Variants in ISYNA1 observed in about 807,000 individuals in gnomAD.
The protein encoded by ISYNA1 is inositol-3-phosphate synthase 1.
Under a neutral mutation model 50.3 loss-of-function variants are expected in ISYNA1, and 34 were observed. The ratio of observed to expected loss-of-function variants is 0.68; its 90% CI spans 0.51 to 0.90. The LOEUF (loss-of-function observed/expected upper bound fraction) is 0.90, where lower values mean the gene tolerates loss of function less well. Ranked by LOEUF, ISYNA1 falls within the 40% of genes least tolerant of loss-of-function variation. ISYNA1 has a pLI of 0.00. For missense variants in ISYNA1, 718 were observed against 784.8 expected (o/e 0.91, Z 1.02); for synonymous variants, 396 against 349.9 (o/e 1.13, Z -1.47).
rs754511347 is a variant in ISYNA1, at chr19:18,436,414, C to A, written c.675G>T (p.Val225=). ...RSSAGLDKVI[V]LWTANTERFC... ...AGCGCTCCGTGTTCGCCGTCCACAG[C>A]ACTATGACTTTGTCCAGCCCCGCGC... Residue 225 remains valine, a synonymous_variant, in exon 6 of 11, where the codon GTG becomes GTT. Coordinates refer to ENST00000338128, the MANE Select transcript of ISYNA1 (RefSeq NM_016368.5). 1 of 1,611,340 alleles carries A rather than the reference C, an allele frequency of 6.2e-7. No homozygotes were observed. The highest frequency in any genetic ancestry group is 1.1e-5 in the South Asian group (1 of 91,080).
rs766049625 is a variant in ISYNA1 at position 18,436,487 on chromosome 19, T to C, written c.610-8A>G. On this transcript the variant is annotated splice_polypyrimidine_tract_variant and splice_region_variant and intron_variant, in intron 5 of 10. Transcript: ENST00000338128. ...CCTGCGGATCTGCTCCAGCTGTGGGTTGGATGGTGAGGGTGTGGGGAGGAT... is the reference window on the plus strand; with the variant it reads ...CCTGCGGATCTGCTCCAGCTGTGGGCTGGATGGTGAGGGTGTGGGGAGGAT... The C allele has an allele frequency of 1.9e-6, 3 of 1,603,342 alleles. No individual in the cohort carries two copies. The Admixed American group carries it at 5.0e-5, about 27-fold the overall frequency.
Position 18,435,755 on chromosome 19 carries a change from A to G in ISYNA1, c.1140+2T>C. On this transcript the variant is annotated splice_donor_variant, in intron 8 of 10. Transcript: ENST00000338128. LOFTEE classifies it high-confidence loss of function. The stretch of plus-strand genomic sequence containing the variant: ...CCGCGCCCGCGCCCGCGCCCCACGC[A>G]CGCAGTGGTCAGGCTCTTCGCCGGG... The G allele has an allele frequency of 1.2e-6, 2 of 1,612,514 alleles. No individual in the cohort carries two copies.
Position 18,435,465 on chromosome 19 carries a change from G to T in ISYNA1, c.1273C>A (p.Pro425Thr), listed in dbSNP as rs867444915. 1.2e-6 allele frequency: 2 copies of T among 1,609,116 alleles called. No homozygotes were observed. The highest frequency in any genetic ancestry group is 1.1e-5 in the South Asian group (1 of 91,076). ...AGCAGCGCTAGGTCCAGCATGATGG[G>T]TGCGGCCAGCAGCGAGTCCTGCGGG... Reference protein sequence around the residue: ...NTCEDSLLAAPIMLDLALLTE... With the variant: ...NTCEDSLLAATIMLDLALLTE... Residue 425 changes from proline to threonine, a missense_variant, in exon 10 of 11, where the codon CCC (proline) becomes ACC (threonine). Coordinates refer to ENST00000338128, the MANE Select transcript of ISYNA1 (RefSeq NM_016368.5).
intron 10 of ISYNA1, 49 bp downstream of exon 10, chr19:18,435,217 C>G: frequency 6.4e-7 from 1 of 1,557,366 alleles, no homozygotes; most frequent in Non-Finnish European, 8.6e-7. Context: ...CATAGCTTAG[C>G]CAGGGGGGTA....
chr19:18,437,116 G>A lies in ISYNA1; in HGVS notation c.283-11C>T. Reference sequence around the variant, plus strand: ...GTAGTAGTTGGCCTCCTGGGGGTCAGCAGACACGGCGAGGTGACGGGTGGG... The same window carrying A: ...GTAGTAGTTGGCCTCCTGGGGGTCAACAGACACGGCGAGGTGACGGGTGGG... On this transcript the variant is annotated splice_polypyrimidine_tract_variant and intron_variant, in intron 3 of 10. Coordinates refer to ENST00000338128, the MANE Select transcript of ISYNA1 (RefSeq NM_016368.5). 2 of 1,562,582 alleles carry A rather than the reference G, an allele frequency of 1.3e-6. No individual in the cohort carries two copies. The highest frequency in any genetic ancestry group is 1.9e-5 in the Admixed American group (1 of 52,984).
Position 18,435,021 on chromosome 19 carries a change from G to A in ISYNA1, c.1569C>T (p.Ala523=), listed in dbSNP as rs141254112. Residue 523 remains alanine, a synonymous_variant, in exon 11 of 11, where the codon GCC becomes GCT. Coordinates refer to ENST00000338128, the MANE Select transcript of ISYNA1 (RefSeq NM_016368.5). ...PSLKRVGPVA[A]TYPMLNKKGP... ...CTTTCTTGTTCAACATAGGGTAGGT[G>A]GCAGCCACGGGTCCAACTCGCTTGA... 2 of 1,613,446 alleles carry A rather than the reference G, an allele frequency of 1.2e-6. No individual in the cohort carries two copies. Among genetic ancestry groups the A allele is most frequent in the African/African-American group, 2.7e-5 (2 of 74,892 alleles).
In ISYNA1 at chr19:18,436,330, C is replaced by T. The variant is rs1212926800; in HGVS notation, c.759G>A (p.Glu253=). 1 of 1,611,982 alleles carries T rather than the reference C, an allele frequency of 6.2e-7. No homozygotes were observed. The highest frequency in any genetic ancestry group is 2.2e-5 in the East Asian group (1 of 44,882). ...DTAENLLRTI[E]LGLEVSPSTL... is the part of the protein sequence containing the mutation. ...CCGCTCCACCCGGGCGTTCGCCCACCTCAATGGTGCGCAGCAGGTTCTCGG... is the reference window on the plus strand; with the variant it reads ...CCGCTCCACCCGGGCGTTCGCCCACTTCAATGGTGCGCAGCAGGTTCTCGG... The change falls in exon 6 of 11, where the codon GAG becomes GAA. Residue 253 remains glutamate (E), a splice_region_variant and synonymous_variant. Transcript: ENST00000338128.
rs145333990 is a variant in ISYNA1 at position 18,436,134 on chromosome 19, G to C, written c.873C>G (p.Leu291=). Residue 291 remains leucine (L), a synonymous_variant, in exon 7 of 11, where the codon CTC becomes CTG. Coordinates refer to ENST00000338128, the MANE Select transcript of ISYNA1 (RefSeq NM_016368.5). ...CCACAAAAACCCGGTGCTGCCACGC[G>C]AGCTCAAGAGCTCCGGGCACCAGGG... ...QNTLVPGALE[L]AWQHRVFVGG... 1 of 1,612,716 alleles carries C rather than the reference G, an allele frequency of 6.2e-7. No individual in the cohort carries two copies. The highest frequency in any genetic ancestry group is 1.1e-5 in the South Asian group (1 of 91,060).
Position 18,437,089 on chromosome 19 carries a change from C to A in ISYNA1, c.299G>T (p.Gly100Val). 6.3e-7 allele frequency: 1 copy of A among 1,585,396 alleles called. No homozygotes were observed. Among genetic ancestry groups the A allele is most frequent in the Admixed American group, 1.8e-5 (1 of 55,696 alleles). Reference sequence around the variant, plus strand: ...CACGGTGCCCGCCTGAGTCAGCGAGCCGTAGTAGTTGGCCTCCTGGGGGTC... The same window carrying A: ...CACGGTGCCCGCCTGAGTCAGCGAGACGTAGTAGTTGGCCTCCTGGGGGTC... ...RSGRKEANYY[G>V]SLTQAGTVSL... The change falls in exon 4 of 11, where the codon GGC becomes GTC. Residue 100 changes from glycine to valine, a missense_variant. By Grantham distance (109) the Gly-to-Val change is moderately radical. Coordinates refer to ENST00000338128, the MANE Select transcript of ISYNA1 (RefSeq NM_016368.5).
Position 18,436,074 on chromosome 19 carries a change from G to C in ISYNA1, c.933C>G (p.Val311=), listed in dbSNP as rs1343771374. ...GDDFKSGQTK[V]KSVLVDFLIG... ...TGAGGAAGTCCACAAGCACGGACTT[G>C]ACTTTGGTCTGGCCTGACTTGAAGT... is the stretch of plus-strand genomic sequence containing the variant. Residue 311 remains valine (V), a synonymous_variant, in exon 7 of 11, where the codon GTC becomes GTG. Coordinates refer to ENST00000338128, the MANE Select transcript of ISYNA1 (RefSeq NM_016368.5). The C allele has an allele frequency of 5.6e-6, 9 of 1,613,222 alleles. No homozygotes were observed. Among genetic ancestry groups the C allele is most frequent in the Non-Finnish European group, 6.8e-6 (8 of 1,179,966 alleles).
rs200584853 is a variant in ISYNA1, at chr19:18,436,796, C to G, written c.497G>C (p.Trp166Ser). Reference sequence around the variant, plus strand: ...GGGCCGCAGGGCCTCCATGTGCGGCCACAGTTGCTCCTGCAGCCCCCAGTC... The same window carrying G: ...GGGCCGCAGGGCCTCCATGTGCGGCGACAGTTGCTCCTGCAGCCCCCAGTC... ...VLDWGLQEQL[W>S]PHMEALRPRP... Residue 166 changes from tryptophan to serine, a missense_variant, in exon 5 of 11, where the codon TGG becomes TCG. Physicochemically the swap from Trp to Ser is radical, Grantham distance 177. Coordinates refer to ENST00000338128, the MANE Select transcript of ISYNA1 (RefSeq NM_016368.5). 3.9e-4 allele frequency: 612 copies of G among 1,582,592 alleles called. No individual in the cohort carries two copies. Among genetic ancestry groups the G allele is most frequent in the Non-Finnish European group, 4.9e-4 (567 of 1,168,082 alleles).
chr19:18,435,979 G>C, intron 7 of ISYNA1, 53 bp downstream of exon 7: 1 of 1,612,604 alleles, frequency 6.2e-7, no homozygotes, highest in Non-Finnish European at 8.5e-7. Context: ...CAAGCCAGGT[G>C]CTCGCGGCCC....
At position 18,436,315 on chromosome 19, in the gene ISYNA1, C is replaced by T; in HGVS notation, c.759+15G>A. On this transcript the variant is annotated intron_variant, in intron 6 of 10. Transcript: ENST00000338128. ...CTGGCCCTGCCTGACCCGCTCCACC[C>T]GGGCGTTCGCCCACCTCAATGGTGC... 1.9e-6 allele frequency: 3 copies of T among 1,610,900 alleles called. No homozygotes were observed. The highest frequency in any genetic ancestry group is 2.5e-6 in the Non-Finnish European group (3 of 1,179,862).
chr19:18,436,978 A>G lies in ISYNA1; in HGVS notation c.410T>C (p.Phe137Ser), dbSNP rs1355236593. Reference protein sequence around the residue: ...LPMVAPNDLVFDGWDISSLNL... With the variant: ...LPMVAPNDLVSDGWDISSLNL... ...CGGCCCAGGGCTCCGCCCACCATCG[A>G]ACACGAGGTCGTTGGGCGCCACCAT... The change falls in exon 4 of 11, where the codon TTC (phenylalanine) becomes TCC (serine). Residue 137 changes from phenylalanine (F) to serine (S), a missense_variant. Coordinates refer to ENST00000338128, the MANE Select transcript of ISYNA1 (RefSeq NM_016368.5). 6.3e-7 allele frequency: 1 copy of G among 1,599,278 alleles called. No individual in the cohort carries two copies. Among genetic ancestry groups the G allele is most frequent in the Non-Finnish European group, 8.5e-7 (1 of 1,172,796 alleles).
At chr19:18,436,915 G>T (rs1156581327) in intron 4 of ISYNA1, 38 bp from the exon 5 acceptor site, 2 of 1,597,894 alleles carry the variant, frequency 1.3e-6, no homozygotes, top group African/African-American at 1.3e-5. Context: ...CCCGGATCCT[G>T]GGCCCCTCCA....
chr19:18,437,971 G>A lies in ISYNA1; in HGVS notation c.9C>T (p.Ala3=). Residue 3 remains alanine, a synonymous_variant, in exon 2 of 11, where the codon GCC becomes GCT. Transcript: ENST00000338128. ...GGCTCTCGACGAAGAACTGGGCGGC[G>A]GCCTCCATCGCGGCGGGCTGGGGGC... ME[A]AAQFFVESPD... 1 of 1,579,796 alleles carries A rather than the reference G, an allele frequency of 6.3e-7. No individual in the cohort carries two copies. The highest frequency in any genetic ancestry group is 8.6e-7 in the Non-Finnish European group (1 of 1,164,750).
Position 18,436,848 on chromosome 19 carries a change from C to T in ISYNA1, c.445G>A (p.Glu149Lys), listed in dbSNP as rs748877705. 7.5e-6 allele frequency: 12 copies of T among 1,596,842 alleles called. No homozygotes were observed. In the East Asian group the frequency reaches 2.7e-4, roughly 36 times the overall value. Residue 149 changes from glutamate to lysine, a missense_variant, in exon 5 of 11, where the codon GAG becomes AAG. Glu to Lys is a moderately conservative substitution (Grantham distance 56). Transcript: ENST00000338128. Reference sequence around the variant, plus strand: ...AGCACCTTCGCGCGCCGCATCGCCTCGGCCAGGTTCAGCGACGAGATGTCC... The same window carrying T: ...AGCACCTTCGCGCGCCGCATCGCCTTGGCCAGGTTCAGCGACGAGATGTCC... Reference protein sequence around the residue: ...GWDISSLNLAEAMRRAKVLDW... With the variant: ...GWDISSLNLAKAMRRAKVLDW...
rs755959374 is a variant in ISYNA1, at chr19:18,435,604, G to C, written c.1213C>G (p.Leu405Val). The C allele has an allele frequency of 7.5e-6, 12 of 1,610,366 alleles. No individual in the cohort carries two copies. Among genetic ancestry groups the C allele is most frequent in the Non-Finnish European group, 1.0e-5 (12 of 1,178,686 alleles). The part of the protein sequence containing the change: ...ALDEYTSELM[L>V]GGTNTLVLHN... ...AGCACCAGTGTGTTGGTTCCGCCCA[G>C]CATCAGCTCCGAGGTATACTCATCC... is the stretch of plus-strand genomic sequence containing the variant. Residue 405 changes from leucine to valine, a missense_variant, in exon 9 of 11, where the codon CTG becomes GTG. By Grantham distance (32) the Leu-to-Val change is conservative. Around this residue, in one of 3 missense-constraint regions of ISYNA1, gnomAD observed 305 missense variants for 292.6 expected, o/e 1.04. Coordinates refer to ENST00000338128, the MANE Select transcript of ISYNA1 (RefSeq NM_016368.5).
Position 18,435,602 on chromosome 19 carries a change from C to A in ISYNA1, c.1215G>T (p.Leu405=). ...ALDEYTSELM[L]GGTNTLVLHN... The stretch of plus-strand genomic sequence containing the variant: ...GCAGCACCAGTGTGTTGGTTCCGCC[C>A]AGCATCAGCTCCGAGGTATACTCAT... The change falls in exon 9 of 11, where the codon CTG becomes CTT. Residue 405 remains leucine, a synonymous_variant. Transcript: ENST00000338128. The A allele has an allele frequency of 6.2e-7, 1 of 1,610,426 alleles. No individual in the cohort carries two copies. Among genetic ancestry groups the A allele is most frequent in the East Asian group, 2.2e-5 (1 of 44,648 alleles).
Sources: allele counts gnomAD v4.1 joint callset, GRCh38; gene constraint gnomAD v4.1.1; regional missense constraint gnomAD v4.1.1; transcripts MANE v1.5; gene names NCBI Gene and HGNC (gene_info 2026-07-23, HGNC 2026-07-21).